Variants in RIMS1 observed in about 807,000 individuals in gnomAD.
RIMS1 encodes regulating synaptic membrane exocytosis protein 1.
Under a neutral mutation model 214.1 loss-of-function variants are expected in RIMS1, and 83 were observed. The ratio of observed to expected loss-of-function variants is 0.39; its 90% confidence interval spans 0.32 to 0.47. The LOEUF (loss-of-function observed/expected upper bound fraction) is 0.47. RIMS1 is among the 20% of genes least tolerant of loss of function. The pLI is 0.99. For synonymous variants in RIMS1, 793 were observed against 786.8 expected (o/e 1.01, Z -0.13); for missense variants, 2,050 against 2,161.8 (o/e 0.95, Z 1.03).
chr6:72,292,353 G>A (rs1008470485), intron 26 of RIMS1, among the ~76,000 whole-genome samples: 1 of 152,018 alleles, frequency 6.6e-6, no homozygotes, highest in East Asian at 1.9e-4. Context: ...AAATCTCATT[G>A]CAATATGGCA....
intron 10 of RIMS1, among the ~76,000 whole-genome samples, chr6:72,245,535 T>G (rs760058580): frequency 2.6e-5 from 4 of 152,138 alleles, no homozygotes; most frequent in Non-Finnish European, 5.9e-5. Flanking sequence ...CCTGCTGTTT[T>G]GGTAGTAAAA....
intron 6 of RIMS1, among the ~76,000 whole-genome samples, chr6:72,197,487 T>C (rs1347262754): frequency 6.6e-6 from 1 of 152,146 alleles, no homozygotes. Flanking sequence ...ACAGGGAAAT[T>C]TGTTCACCCA....
chr6:72,046,234 G>C (rs1822990987), intron 2 of RIMS1, among the ~76,000 whole-genome samples: 1 of 151,888 alleles, frequency 6.6e-6, no homozygotes, highest in East Asian at 1.9e-4. Flanking sequence ...TAACCCTCTG[G>C]TTGGTTCAGA....
At chr6:72,249,111 A>G (rs1282195019) in intron 12 of RIMS1, among the ~76,000 whole-genome samples, 1 of 152,224 alleles carries the variant, frequency 6.6e-6, no homozygotes, top group East Asian at 1.9e-4. Context: ...TGAAAAGCTA[A>G]TCCTATGTTA....
intron 26 of RIMS1, among the ~76,000 whole-genome samples, chr6:72,299,168 T>C (rs1297101000): frequency 6.6e-6 from 1 of 151,960 alleles, no homozygotes; most frequent in Non-Finnish European, 1.5e-5. Flanking sequence ...AGAAATTAAA[T>C]GACTTCAAGG....
intron 19 of RIMS1, chr6:72,263,189 C>T: frequency 2.0e-6 from 2 of 984,410 alleles, no homozygotes; most frequent in Non-Finnish European, 2.4e-6. Context: ...AAATTTAATA[C>T]ACACAGCATA....
At chr6:72,193,723 T>C (rs1366011063) in intron 6 of RIMS1, among the ~76,000 whole-genome samples, 1 of 152,154 alleles carries the variant, frequency 6.6e-6, no homozygotes, top group Non-Finnish European at 1.5e-5. Flanking sequence ...TGTTGAGTGG[T>C]TTGGATGAGA....
intron 2 of RIMS1, among the ~76,000 whole-genome samples, chr6:71,990,859 C>T (rs1025428721): frequency 1.3e-5 from 2 of 151,928 alleles, no homozygotes; most frequent in South Asian, 2.1e-4. Context: ...GGTTTCATTT[C>T]GAGTTTGATA....
chr6:72,194,272 G>T (rs577113614), intron 6 of RIMS1, among the ~76,000 whole-genome samples: 21 of 151,768 alleles, frequency 1.4e-4, no homozygotes, highest in African/African-American at 5.1e-4. Context: ...TGAATCTCAG[G>T]TGGGGGAAGA....
At chr6:72,114,337 T>C (rs1431049943) in intron 4 of RIMS1, among the ~76,000 whole-genome samples, 1 of 151,998 alleles carries the variant, frequency 6.6e-6, no homozygotes, top group Non-Finnish European at 1.5e-5. Context: ...AAATTCTTTA[T>C]AGGTATATAA....
chr6:72,045,783 G>A (rs1038606121), intron 2 of RIMS1, among the ~76,000 whole-genome samples: 2 of 150,376 alleles, frequency 1.3e-5, no homozygotes, highest in Non-Finnish European at 3.0e-5. Context: ...ATGTTTATTG[G>A]CCATTTATAA....
At chr6:71,954,991 G>A (rs1790794432) in intron 1 of RIMS1, among the ~76,000 whole-genome samples, 1 of 151,974 alleles carries the variant, frequency 6.6e-6, no homozygotes, top group Non-Finnish European at 1.5e-5. Flanking sequence ...GAACTCTTGT[G>A]TCTGGCTTCT....
intron 1 of RIMS1, among the ~76,000 whole-genome samples, chr6:71,955,399 T>G (rs1462660514): frequency 1.3e-5 from 2 of 152,162 alleles, no homozygotes; most frequent in African/African-American, 4.8e-5. Flanking sequence ...ACTCCTGACC[T>G]CAGGTGATCC....
intron 29 of RIMS1, among the ~76,000 whole-genome samples, chr6:72,385,712 G>A (rs939284529): frequency 6.6e-6 from 1 of 152,216 alleles, no homozygotes; most frequent in Non-Finnish European, 1.5e-5. Flanking sequence ...ACTGGACCCA[G>A]AGTAAGGGCC....
At chr6:72,208,189 C>T (rs897450959) in intron 6 of RIMS1, among the ~76,000 whole-genome samples, 5 of 152,000 alleles carry the variant, frequency 3.3e-5, no homozygotes, top group African/African-American at 9.7e-5. Context: ...CTGTCTGAAC[C>T]GTGGGTGAAA....
At chr6:72,351,043 A>C (rs11752850) in intron 29 of RIMS1, among the ~76,000 whole-genome samples, 29,128 of 152,058 alleles carry the variant, frequency 0.19, 3,454 homozygotes, top group Middle Eastern at 0.27. Flanking sequence ...AATTGTGAGA[A>C]TTAAATACAA....
At chr6:72,231,440 G>T (rs896333037) in intron 6 of RIMS1, among the ~76,000 whole-genome samples, 1 of 151,542 alleles carries the variant, frequency 6.6e-6, no homozygotes, top group Non-Finnish European at 1.5e-5. Context: ...TAATGAATGT[G>T]TTTTTTACAT....
intron 4 of RIMS1, among the ~76,000 whole-genome samples, chr6:72,115,486 C>A (rs2036899589): frequency 6.6e-6 from 1 of 151,878 alleles, no homozygotes; most frequent in African/African-American, 2.4e-5. Context: ...GTAAGAATTT[C>A]TTCCCGCTTA....
chr6:72,200,106 C>G (rs2463699), intron 6 of RIMS1, among the ~76,000 whole-genome samples: 1 of 152,036 alleles, frequency 6.6e-6, no homozygotes, highest in East Asian at 1.9e-4. Flanking sequence ...TTGCAAGTAA[C>G]CAATTTTGGT....
Sources: gnomAD v4.1 joint callset for allele counts (sites outside exome capture counted in the v4.1 genomes callset) on GRCh38, gnomAD v4.1.1 for gene constraint, MANE v1.5 for transcripts, NCBI Gene and HGNC (gene_info 2026-07-23, HGNC 2026-07-21) for gene names.